Variants in ZNF609 observed in about 807,000 individuals in gnomAD.
ZNF609 encodes zinc finger protein 609.
In ZNF609, 11 loss-of-function variants were observed where a neutral mutation model predicts 109.5. The ratio of observed to expected loss-of-function variants is 0.10; its 90% CI spans 0.06 to 0.17. ZNF609 has a LOEUF of 0.17. Among genes scored for constraint, ZNF609 ranks in the 10% least tolerant of loss-of-function variants. The probability of loss-of-function intolerance (pLI) is 1.00; values close to 1 mark genes in which losing one functional copy is unlikely to be tolerated. For synonymous variants in ZNF609, 646 were observed against 662.0 expected (o/e 0.98, Z 0.37); for missense variants, 1,559 against 1,772.4 (o/e 0.88, Z 2.16).
chr15:64,596,080 C>G (rs545238364), intron 2 of ZNF609, among the ~76,000 whole-genome samples: 51 of 152,132 alleles, frequency 3.4e-4, no homozygotes, highest in Non-Finnish European at 6.5e-4. Flanking sequence ...AATCAGCAGA[C>G]TTGTTTTTCC....
At chr15:64,609,128 CTT>C (rs72081834) in intron 2 of ZNF609, among the ~76,000 whole-genome samples, 11,874 of 100,570 alleles carry the variant, frequency 0.12, 1,241 homozygotes, top group Admixed American at 0.14. Flanking sequence ...TTCTTTCTTT[CTT>C]TTTTTCTTTC....
intron 3 of ZNF609, among the ~76,000 whole-genome samples, chr15:64,656,761 C>G (rs1386455314): frequency 2.0e-5 from 3 of 151,044 alleles, no homozygotes; most frequent in Non-Finnish European, 4.4e-5. Flanking sequence ...CCCTCTCTCC[C>G]TCTTTCTCCT....
intron 2 of ZNF609, among the ~76,000 whole-genome samples, chr15:64,596,240 G>A (rs1488513199): frequency 1.3e-5 from 2 of 152,046 alleles, no homozygotes; most frequent in African/African-American, 4.8e-5. Flanking sequence ...TGCACCCTCT[G>A]CCTCTCAGGT....
chr15:64,634,420 T>A (rs1203843449), intron 3 of ZNF609, among the ~76,000 whole-genome samples: 1 of 152,180 alleles, frequency 6.6e-6, no homozygotes, highest in African/African-American at 2.4e-5. Context: ...GCTTTTATCC[T>A]TTTCACTAAA....
intron 2 of ZNF609, among the ~76,000 whole-genome samples, chr15:64,600,509 C>T (rs939375883): frequency 2.0e-5 from 3 of 149,214 alleles, no homozygotes; most frequent in African/African-American, 4.9e-5. Context: ...GGTGGCAGCA[C>T]GCCTGTAGTC....
intron 3 of ZNF609, among the ~76,000 whole-genome samples, chr15:64,658,855 T>A (rs1309718998): frequency 6.6e-6 from 1 of 152,146 alleles, no homozygotes; most frequent in Non-Finnish European, 1.5e-5. Flanking sequence ...TATCTATTGA[T>A]ATCTACCATT....
At chr15:64,491,210 A>G (rs1183246821) in intron 1 of ZNF609, among the ~76,000 whole-genome samples, 1 of 152,206 alleles carries the variant, frequency 6.6e-6, no homozygotes, top group Non-Finnish European at 1.5e-5. Context: ...AATTCATTTG[A>G]TTAGCAAGCT....
intron 2 of ZNF609, among the ~76,000 whole-genome samples, chr15:64,609,032 C>G (rs1241246527): frequency 6.6e-6 from 1 of 151,612 alleles, no homozygotes; most frequent in Non-Finnish European, 1.5e-5. Flanking sequence ...TTACCACACC[C>G]AGCCCTGTTA....
intron 2 of ZNF609, among the ~76,000 whole-genome samples, chr15:64,557,191 T>TTC (rs904409797): frequency 7.3e-4 from 1 of 1,376 alleles, no homozygotes; most frequent in African/African-American, 1.1e-3. Context: ...CTTATTCTTC[T>TTC]TTTTTTTTTT....
chr15:64,467,170 T>C (rs1318082990), intron 1 of ZNF609, among the ~76,000 whole-genome samples: 1 of 152,200 alleles, frequency 6.6e-6, no homozygotes, highest in Admixed American at 6.5e-5. Flanking sequence ...GATTTTTCTC[T>C]TGTCTCTGTG....
rs146977171 is a variant in ZNF609, at chr15:64,553,051, G to C, written c.747+52885G>C. On this transcript the variant is annotated intron_variant, in intron 2 of 9. Transcript: ENST00000326648. ...CTCCTGAGCTGCATTTTCACTTTATGAAAAATCAGTTGACCATTTATCATA... is the reference window on the plus strand; with the variant it reads ...CTCCTGAGCTGCATTTTCACTTTATCAAAAATCAGTTGACCATTTATCATA... Among the ~76,000 whole-genome samples, 96 of 152,242 alleles carry C rather than the reference G, an allele frequency of 6.3e-4. No homozygotes were observed. In the East Asian group the frequency reaches 0.018, roughly 28 times the overall value.
chr15:64,616,855 A>G (rs1201847941), intron 2 of ZNF609, among the ~76,000 whole-genome samples: 44 of 95,866 alleles, frequency 4.6e-4, no homozygotes, highest in African/African-American at 1.8e-3. Context: ...GTCGCCCAGG[A>G]TGGAGTACAA....
intron 2 of ZNF609, among the ~76,000 whole-genome samples, chr15:64,575,508 A>C (rs1472534082): frequency 6.6e-6 from 1 of 152,146 alleles, no homozygotes; most frequent in Non-Finnish European, 1.5e-5. Context: ...TGGCAATAAT[A>C]ATCTTTTGGA....
intron 2 of ZNF609, among the ~76,000 whole-genome samples, chr15:64,605,572 CTT>C (rs1427523698): frequency 1.3e-5 from 2 of 152,162 alleles, no homozygotes; most frequent in Non-Finnish European, 2.9e-5. Flanking sequence ...ACACTGAACA[CTT>C]TACATTCAGT....
At chr15:64,555,990 CT>C (rs796942761) in intron 2 of ZNF609, among the ~76,000 whole-genome samples, 460 of 139,970 alleles carry the variant, frequency 3.3e-3, no homozygotes, top group Admixed American at 4.0e-3. Flanking sequence ...CAATAACTAC[CT>C]TTTTTTTTTT....
intron 2 of ZNF609, among the ~76,000 whole-genome samples, chr15:64,601,364 T>C (rs1895495389): frequency 6.6e-6 from 1 of 152,156 alleles, no homozygotes; most frequent in Non-Finnish European, 1.5e-5. Context: ...TAAATCCCCA[T>C]CTTACAGATG....
At chr15:64,617,366 C>T (rs1383421897) in intron 2 of ZNF609, among the ~76,000 whole-genome samples, 4 of 151,016 alleles carry the variant, frequency 2.6e-5, no homozygotes, top group East Asian at 1.9e-4. Context: ...TGGTGGTGCA[C>T]GTGTAGTCCC....
At chr15:64,568,721 C>T (rs1894816871) in intron 2 of ZNF609, among the ~76,000 whole-genome samples, 1 of 152,152 alleles carries the variant, frequency 6.6e-6, no homozygotes. Context: ...TTTTCCTTTT[C>T]TTTCACTGAA....
At chr15:64,671,203 C>T (rs1289455059) in intron 4 of ZNF609, 1 of 134,842 alleles carries the variant, frequency 7.4e-6, no homozygotes, top group African/African-American at 2.9e-5. Flanking sequence ...GAGCAAGACT[C>T]CGTCTCAAAA....
Sources: allele counts gnomAD v4.1 joint callset (sites outside exome capture counted in the v4.1 genomes callset), GRCh38; gene constraint gnomAD v4.1.1; transcripts MANE v1.5; gene names NCBI Gene and HGNC (gene_info 2026-07-23, HGNC 2026-07-21).